UNC13A: variants seen among roughly 807,000 people sequenced by gnomAD.
UNC13A encodes the protein unc-13 homolog A, also known as protein unc-13 homolog A.
A neutral mutation model predicts 219.7 loss-of-function variants in UNC13A; 61 were observed. The ratio of observed to expected loss-of-function variants is 0.28; its 90% CI spans 0.23 to 0.34. The LOEUF is 0.34. Among genes scored for constraint, UNC13A ranks in the 10% least tolerant of loss-of-function variants. The pLI is 1.00. For synonymous variants in UNC13A, 920 were observed against 884.6 expected (o/e 1.04, Z -0.71); for missense variants, 1,476 against 2,270.3 (o/e 0.65, Z 7.11).
chr19:17,617,638 TCAGGCTTGG>T lies in UNC13A; in HGVS notation c.4558+55_4558+63del. 1.9e-6 allele frequency: 3 copies of T among 1,590,260 alleles called. No homozygotes were observed. In the South Asian group the frequency reaches 3.3e-5, roughly 18 times the overall value. ...AGGGGAGTGAGCCAATGGCAGCCGT[TCAGGCTTGG>T]GGCGGGGCTGTCTCCGCGGAGCGGG... On this transcript the variant is annotated intron_variant, in intron 41 of 43. Coordinates refer to ENST00000519716, the MANE Select transcript of UNC13A (RefSeq NM_001080421.3).
At chr19:17,614,341 G>T (rs2076638209) in intron 41 of UNC13A, 1 of 152,138 alleles carries the variant, frequency 6.6e-6, no homozygotes, top group Admixed American at 6.6e-5. Context: ...GAGTCAAAAA[G>T]TTCCCTTGTC....
At position 17,648,969 on chromosome 19, in the gene UNC13A, G is replaced by T. The variant is rs748678245; in HGVS notation, c.1539C>A (p.Ser513=). Residue 513 remains serine, a synonymous_variant, in exon 15 of 44, where the codon TCC becomes TCA. Transcript: ENST00000519716. ...AGGCCGAGGTGATGCCCGCTTTCCT[G>T]GACTGGACCAGGGACTGGGGAGGTC... ...VSDLAMSLVQ[S]RKAGITSALA... is the part of the protein sequence containing the mutation. 4.4e-6 allele frequency: 7 copies of T among 1,603,758 alleles called. No individual in the cohort carries two copies. Among genetic ancestry groups the T allele is most frequent in the Admixed American group, 1.7e-5 (1 of 58,200 alleles).
intron 25 of UNC13A, among the ~76,000 whole-genome samples, chr19:17,637,338 C>T (rs1453852624): frequency 6.6e-6 from 1 of 151,066 alleles, no homozygotes; most frequent in Non-Finnish European, 1.5e-5. Flanking sequence ...CGCTCTGTCA[C>T]CCAGGCCGGA....
chr19:17,655,490 A>T, intron 10 of UNC13A, 108 bp from the exon 11 acceptor site: 1 of 925,666 alleles, frequency 1.1e-6, no homozygotes, highest in Non-Finnish European at 1.6e-6. Context: ...GGTATCTCTG[A>T]CCCCTCAGAG....
Position 17,627,743 on chromosome 19 carries a change from G to A in UNC13A, c.3831+120C>T. The A allele has an allele frequency of 7.7e-7, 1 of 1,306,650 alleles. No individual in the cohort carries two copies. The highest frequency in any genetic ancestry group is 1.3e-5 in the South Asian group (1 of 77,328). 80.9% of individuals were successfully genotyped at this position (1,306,650 alleles called of 1,614,324 possible). On this transcript the variant is annotated intron_variant, in intron 32 of 43. Transcript: ENST00000519716. The surrounding 1 kb of genome is among the most constrained non-coding windows in gnomAD (Gnocchi z 4.7). ...CGTTATGCTGCAAGCCTGGGTTTAAGGCCATGGTTGAGCTGGAATTCATCC... is the reference window on the plus strand; with the variant it reads ...CGTTATGCTGCAAGCCTGGGTTTAAAGCCATGGTTGAGCTGGAATTCATCC...
intron 1 of UNC13A, among the ~76,000 whole-genome samples, chr19:17,686,978 C>T (rs930209322): frequency 7.2e-5 from 11 of 152,250 alleles, no homozygotes; most frequent in African/African-American, 2.2e-4. Flanking sequence ...CACCCCTTCC[C>T]CCACCCCAGC....
At position 17,618,894 on chromosome 19, in the gene UNC13A, C is replaced by T. The variant is rs79759760; in HGVS notation, c.4329+12G>A. The T allele has an allele frequency of 2.9e-3, 4,612 of 1,613,872 alleles. 116 individuals are homozygous for T. The African/African-American group carries it at 0.056, about 20-fold the overall frequency. On this transcript the variant is annotated intron_variant, in intron 39 of 43. Coordinates refer to ENST00000519716, the MANE Select transcript of UNC13A (RefSeq NM_001080421.3). ...GCAGTCCCTCACGCCATAATCTATC[C>T]CCACTCCTCACCTTGAGTTTGGACA...
chr19:17,662,775 C>T (rs1296338561), intron 8 of UNC13A, among the ~76,000 whole-genome samples: 9 of 152,048 alleles, frequency 5.9e-5, no homozygotes, highest in Non-Finnish European at 1.2e-4. Context: ...AAAAAATTAG[C>T]CGGGCGTGTT....
chr19:17,659,928 C>G (rs1889496831), intron 8 of UNC13A, among the ~76,000 whole-genome samples: 1 of 152,200 alleles, frequency 6.6e-6, no homozygotes, highest in African/African-American at 2.4e-5. Flanking sequence ...TAGACAGGGT[C>G]TCTCTCACTT....
chr19:17,662,717 G>A (rs577585521), intron 8 of UNC13A, among the ~76,000 whole-genome samples: 36 of 152,118 alleles, frequency 2.4e-4, no homozygotes, highest in Middle Eastern at 6.8e-3. Context: ...TCAGGAGATC[G>A]AGACCCTCCT....
chr19:17,624,781 G>T (rs746885963), intron 35 of UNC13A, 48 bp downstream of exon 35: 18 of 1,576,790 alleles, frequency 1.1e-5, no homozygotes, highest in Non-Finnish European at 1.5e-5. Context: ...CTGGGCTCTC[G>T]CCAGGGAGGT....
chr19:17,618,774 T>C, intron 39 of UNC13A, 132 bp downstream of exon 39: 1 of 895,978 alleles, frequency 1.1e-6, no homozygotes, highest in South Asian at 1.5e-5. Context: ...CTTCAGTGAG[T>C]AGAGTTTCTG....
intron 7 of UNC13A, among the ~76,000 whole-genome samples, chr19:17,664,184 T>C (rs2079601709): frequency 6.6e-6 from 1 of 152,136 alleles, no homozygotes; most frequent in African/African-American, 2.4e-5. Flanking sequence ...CTATGATGTC[T>C]AGGGTTAGCA....
intron 38 of UNC13A, among the ~76,000 whole-genome samples, chr19:17,619,859 T>C (rs1052186649): frequency 6.6e-6 from 1 of 152,182 alleles, no homozygotes; most frequent in African/African-American, 2.4e-5. Flanking sequence ...CAGATGGGCC[T>C]GGGTTCAAAT....
intron 43 of UNC13A, among the ~76,000 whole-genome samples, chr19:17,608,092 G>T (rs1290129445): frequency 6.7e-6 from 1 of 149,124 alleles, no homozygotes; most frequent in Non-Finnish European, 1.5e-5. Flanking sequence ...TGTAGCCCAG[G>T]CTGGACTGCA....
At chr19:17,643,015 ATTT>A in intron 19 of UNC13A, 55 bp from the exon 20 acceptor site, 32 of 1,153,686 alleles carry the variant, frequency 2.8e-5, no homozygotes, top group Admixed American at 5.2e-5. Flanking sequence ...GCAGTGGGCA[ATTT>A]TTTTTTTTTT....
chr19:17,658,104 G>A lies in UNC13A; in HGVS notation c.725C>T (p.Ser242Phe), dbSNP rs769045684. The change falls in exon 9 of 44, where the codon TCC becomes TTC. Residue 242 changes from serine to phenylalanine, a missense_variant. Transcript: ENST00000519716. ...PLGSRESYSDSMHSYEEFSEP... is the reference protein window; with the variant it reads ...PLGSRESYSDFMHSYEEFSEP... ...AGAGAACTCCTCGTAACTGTGCATG[G>A]AGTCACTGTAGGACTCCCGGGAGCC... 2.3e-4 allele frequency: 376 copies of A among 1,613,624 alleles called. 1 individual carries two copies. Among genetic ancestry groups the A allele is most frequent in the Non-Finnish European group, 3.0e-4 (358 of 1,179,802 alleles).
intron 17 of UNC13A, 78 bp downstream of exon 17, chr19:17,647,187 C>G (rs1316839345): frequency 7.4e-7 from 1 of 1,353,148 alleles, no homozygotes. Context: ...GGAGAGGGAC[C>G]AGGCCATGGG....
intron 12 of UNC13A, among the ~76,000 whole-genome samples, chr19:17,652,368 A>G (rs1430443679): frequency 6.6e-6 from 1 of 151,978 alleles, no homozygotes; most frequent in Non-Finnish European, 1.5e-5. Flanking sequence ...CTGACCTCAA[A>G]TGATCCTCCC....
Sources: allele counts gnomAD v4.1 joint callset (sites outside exome capture counted in the v4.1 genomes callset), GRCh38; gene constraint gnomAD v4.1.1; non-coding constraint Gnocchi (gnomAD v3.1); transcripts MANE v1.5; gene names NCBI Gene and HGNC (gene_info 2026-07-23, HGNC 2026-07-21).